The following COG7 variants were observed in gnomAD, a reference collection of about 807,000 sequenced individuals.
The protein encoded by COG7 is component of oligomeric golgi complex 7, also known as conserved oligomeric Golgi complex subunit 7.
Under a neutral mutation model 91.5 loss-of-function variants are expected in COG7, and 49 were observed. The ratio of observed to expected loss-of-function variants is 0.54; its 90% CI spans 0.43 to 0.68. COG7 has a LOEUF of 0.68. COG7 is among the 30% of genes least tolerant of loss of function. The probability of loss-of-function intolerance (pLI) is 0.00; values close to 1 mark genes in which losing one functional copy is unlikely to be tolerated. For synonymous variants in COG7, 365 were observed against 388.7 expected (o/e 0.94, Z 0.72); for missense variants, 895 against 961.3 (o/e 0.93, Z 0.91).
Position 23,392,363 on chromosome 16 carries a change from G to A in COG7, c.2146+17C>T. The A allele has an allele frequency of 1.2e-6, 2 of 1,614,142 alleles. No homozygotes were observed. The highest frequency in any genetic ancestry group is 1.7e-6 in the Non-Finnish European group (2 of 1,180,026). On this transcript the variant is annotated intron_variant, in intron 16 of 16. Coordinates refer to ENST00000307149, the MANE Select transcript of COG7 (RefSeq NM_153603.4). ...GCAAGAGCTGTCCCTCCCACCGCCT[G>A]TCTTGTGGGGACCCACCGATGTCAG...
intron 14 of COG7, 47 bp downstream of exon 14, chr16:23,397,999 G>T: frequency 6.8e-7 from 1 of 1,473,448 alleles, no homozygotes; most frequent in Non-Finnish European, 9.5e-7. Flanking sequence ...GACAAGGAAG[G>T]TCTGAAAGAC....
rs532817407 is a variant in COG7 at position 23,405,975 on chromosome 16, C to T, written c.1662+101G>A. 339 of 1,031,896 alleles carry T rather than the reference C, an allele frequency of 3.3e-4. 6 individuals carry two copies. In the South Asian group the frequency reaches 4.0e-3, roughly 12 times the overall value. The allele number at this position is 1,031,896 out of a possible 1,614,324, so 63.9% of individuals were successfully genotyped here. A position where few individuals can be genotyped will look rare whatever the true frequency, so the allele number is the denominator to read the frequency against. ...GGTAGTAGCAGGGTACGTCACAGCC[C>T]AGGGCCACACACAGGGCCCGCCTGT... On this transcript the variant is annotated intron_variant, in intron 12 of 16. Coordinates refer to ENST00000307149, the MANE Select transcript of COG7 (RefSeq NM_153603.4).
At chr16:23,432,704 G>A (rs1370533638) in intron 6 of COG7, among the ~76,000 whole-genome samples, 2 of 152,114 alleles carry the variant, frequency 1.3e-5, no homozygotes, top group Non-Finnish European at 2.9e-5. Context: ...GTAAATGATG[G>A]ATAGTTGCCA....
intron 4 of COG7, among the ~76,000 whole-genome samples, 165 bp from the exon 5 acceptor site, chr16:23,434,883 A>G (rs1286529807): frequency 1.3e-5 from 2 of 152,184 alleles, no homozygotes; most frequent in Non-Finnish European, 2.9e-5. Flanking sequence ...AAAAATAAGC[A>G]TGACGTGAAA....
At chr16:23,409,088 T>TGTGTGTGTGTGCGC (rs567307217) in intron 11 of COG7, among the ~76,000 whole-genome samples, 1,752 of 147,846 alleles carry the variant, frequency 0.012, 15 homozygotes, top group African/African-American at 0.021. Flanking sequence ...TGTGTGTGTG[T>TGTGTGTGTGTGCGC]GCGTGCATGT....
In COG7 at chr16:23,424,604, C is replaced by T. The variant is rs183510639; in HGVS notation, c.1009+145G>A. ...GGCAATGTTTTTTCATGGAAAAGCC[C>T]TCCACATCTGCTGAGAAGGAAAACA... On this transcript the variant is annotated intron_variant, in intron 7 of 16. Transcript: ENST00000307149. 2.0e-4 allele frequency: 170 copies of T among 845,528 alleles called. 1 individual carries two copies. The African/African-American group carries it at 2.5e-3, about 13-fold the overall frequency. The allele number at this position is 845,528 out of a possible 1,614,324, so 52.4% of individuals were successfully genotyped here.
intron 8 of COG7, 73 bp from the exon 9 acceptor site, chr16:23,417,194 A>T: frequency 2.7e-6 from 4 of 1,489,546 alleles, no homozygotes; most frequent in Non-Finnish European, 3.7e-6. Flanking sequence ...AAGACCTCCA[A>T]GCCTTCTCAT....
At position 23,392,388 on chromosome 16, in the gene COG7, G is replaced by A. The variant is rs1361787251; in HGVS notation, c.2138C>T (p.Thr713Ile). The A allele has an allele frequency of 1.2e-6, 2 of 1,614,214 alleles. No homozygotes were observed. The highest frequency in any genetic ancestry group is 8.5e-7 in the Non-Finnish European group (1 of 1,180,040). The part of the protein sequence containing the change: ...LSPHSAKQLA[T>I]DIDYLINVMD... ...GTCTTGTGGGGACCCACCGATGTCA[G>A]TGGCCAGCTGCTTGGCAGAGTGTGG... The change falls in exon 16 of 17, where the codon ACT becomes ATT. Residue 713 changes from threonine to isoleucine, a missense_variant. Coordinates refer to ENST00000307149, the MANE Select transcript of COG7 (RefSeq NM_153603.4).
At chr16:23,400,144 A>G (rs539342349) in intron 13 of COG7, among the ~76,000 whole-genome samples, 38 of 152,322 alleles carry the variant, frequency 2.5e-4, no homozygotes, top group African/African-American at 9.1e-4. Flanking sequence ...GAAAAGGTCC[A>G]TAAGAAGTTG....
At chr16:23,436,061 C>A (rs999284801) in intron 4 of COG7, among the ~76,000 whole-genome samples, 2 of 151,902 alleles carry the variant, frequency 1.3e-5, no homozygotes, top group African/African-American at 4.8e-5. Context: ...ACACAGGACC[C>A]CTCTACAAAA....
At chr16:23,420,910 ATTTTTTTT>A (rs72250117) in intron 7 of COG7, among the ~76,000 whole-genome samples, 41 of 118,484 alleles carry the variant, frequency 3.5e-4, no homozygotes, top group African/African-American at 1.2e-3. Context: ...TACCTGGCTA[ATTTTTTTT>A]TTTTTTTTTT....
At chr16:23,418,102 TAAAC>T (rs1963686696) in intron 8 of COG7, among the ~76,000 whole-genome samples, 1 of 152,214 alleles carries the variant, frequency 6.6e-6, no homozygotes, top group Non-Finnish European at 1.5e-5. Context: ...ATGTCTTCCT[TAAAC>T]AAAAGACCGC....
At chr16:23,442,225 T>C (rs903194984) in intron 4 of COG7, among the ~76,000 whole-genome samples, 14 of 150,966 alleles carry the variant, frequency 9.3e-5, no homozygotes, top group African/African-American at 3.4e-4. Flanking sequence ...TCCCAGCTAC[T>C]CGGGAGGCTG....
chr16:23,424,856 C>G lies in COG7; in HGVS notation c.902G>C (p.Gly301Ala). Reference protein sequence around the residue: ...MPSLPSCLSNGVERAGPEQEL... With the variant: ...MPSLPSCLSNAVERAGPEQEL... ...CTGCTCGGGCCCTGCCCTCTCCACG[C>G]CGTTGCTGAGGCAGGAGGGCAGCGA... is the stretch of plus-strand genomic sequence containing the variant. The change falls in exon 7 of 17, where the codon GGC becomes GCC. Residue 301 changes from glycine to alanine, a missense_variant. Gly to Ala is a moderately conservative substitution (Grantham distance 60, BLOSUM62 0). Transcript: ENST00000307149. 2.5e-6 allele frequency: 4 copies of G among 1,614,206 alleles called. No individual in the cohort carries two copies. Among genetic ancestry groups the G allele is most frequent in the Non-Finnish European group, 3.4e-6 (4 of 1,180,048 alleles).
intron 12 of COG7, among the ~76,000 whole-genome samples, chr16:23,404,686 G>A (rs754252980): frequency 1.3e-5 from 2 of 152,206 alleles, no homozygotes; most frequent in African/African-American, 4.8e-5. Flanking sequence ...TTGGGAGGCT[G>A]AGACAGGCAG....
chr16:23,439,382 A>T (rs1964064727), intron 4 of COG7, among the ~76,000 whole-genome samples: 1 of 152,096 alleles, frequency 6.6e-6, no homozygotes, highest in Non-Finnish European at 1.5e-5. Flanking sequence ...AAGGAATTGA[A>T]AGCTGGAACT....
intron 13 of COG7, among the ~76,000 whole-genome samples, chr16:23,401,343 A>G (rs1464756353): frequency 6.6e-6 from 1 of 152,188 alleles, no homozygotes; most frequent in African/African-American, 2.4e-5. Flanking sequence ...CCAAGGGGCC[A>G]CGGTGCTGTG....
At chr16:23,420,910 A>AT (rs72250117) in intron 7 of COG7, among the ~76,000 whole-genome samples, 1,675 of 118,354 alleles carry the variant, frequency 0.014, 25 homozygotes, top group Middle Eastern at 0.022. Flanking sequence ...TACCTGGCTA[A>AT]TTTTTTTTTT....
intron 6 of COG7, among the ~76,000 whole-genome samples, chr16:23,429,727 G>A (rs1463065455): frequency 6.6e-6 from 1 of 151,972 alleles, no homozygotes; most frequent in East Asian, 1.9e-4. Flanking sequence ...TCGTGCCACT[G>A]TACTCCAGCC....
Sources: gnomAD v4.1 joint callset for allele counts (sites outside exome capture counted in the v4.1 genomes callset) on GRCh38, gnomAD v4.1.1 for gene constraint, MANE v1.5 for transcripts, NCBI Gene and HGNC (gene_info 2026-07-23, HGNC 2026-07-21) for gene names.